NCKAP5: variants seen among roughly 807,000 people sequenced by gnomAD.
NCKAP5 encodes the protein NCK associated protein 5.
NCKAP5 carries 92 observed loss-of-function variants against 167.0 expected under a neutral mutation model. The ratio of observed to expected loss-of-function variants is 0.55; its 90% CI spans 0.47 to 0.66. NCKAP5 has a LOEUF of 0.66. Ranked by LOEUF, NCKAP5 falls within the 30% of genes least tolerant of loss-of-function variation. The pLI, the probability that NCKAP5 is intolerant of heterozygous loss-of-function variation, is 0.00. For missense variants in NCKAP5, 2,378 were observed against 2,315.0 expected, an observed-to-expected ratio of 1.03 and a Z score of -0.56; for synonymous variants, 891 against 877.4, an observed-to-expected ratio of 1.02 and a Z score of -0.27.
intron 19 of NCKAP5, among the ~76,000 whole-genome samples, chr2:132,693,593 AGAATACCCC>A (rs145616486): frequency 0.37 from 52,088 of 140,382 alleles, 10,384 homozygotes; most frequent in East Asian, 0.52. Context: ...GAAATGTGAA[AGAATACCCC>A]GAATACCCCA....
intron 8 of NCKAP5, among the ~76,000 whole-genome samples, chr2:132,909,576 C>G (rs1694280330): frequency 6.6e-6 from 1 of 152,168 alleles, no homozygotes; most frequent in African/African-American, 2.4e-5. Context: ...ATATCCAGTA[C>G]TTGGAATGTA....
chr2:132,919,510 T>G (rs777642819), intron 8 of NCKAP5, among the ~76,000 whole-genome samples: 1 of 151,974 alleles, frequency 6.6e-6, no homozygotes, highest in South Asian at 2.1e-4. Flanking sequence ...GCAAACTAGC[T>G]AAAAGAAATT....
chr2:133,663,872 G>T, the NCKAP5 span, among the ~76,000 whole-genome samples: 2 of 152,030 alleles, frequency 1.3e-5, no homozygotes, highest in Non-Finnish European at 2.9e-5. Flanking sequence ...AATCACAAAA[G>T]TTCTTATTGG....
At chr2:132,721,402 G>GC (rs1689915374) in intron 19 of NCKAP5, among the ~76,000 whole-genome samples, 1 of 152,104 alleles carries the variant, frequency 6.6e-6, no homozygotes, top group African/African-American at 2.4e-5. Context: ...ATCCAATAAG[G>GC]CTTCACGATC....
chr2:133,435,624 CA>C (rs1344937393), intron 3 of NCKAP5, among the ~76,000 whole-genome samples: 4 of 152,108 alleles, frequency 2.6e-5, no homozygotes, highest in African/African-American at 4.8e-5. Flanking sequence ...TGAACAAATA[CA>C]GCAAAGTTAG....
At chr2:132,680,955 GTTGACTGC>G (rs1685144297) in intron 19 of NCKAP5, among the ~76,000 whole-genome samples, 1 of 152,130 alleles carries the variant, frequency 6.6e-6, no homozygotes. Flanking sequence ...TAAAACGTAG[GTTGACTGC>G]CTTTAATAAT....
chr2:132,860,275 T>C (rs886112582), intron 11 of NCKAP5, among the ~76,000 whole-genome samples: 4 of 152,336 alleles, frequency 2.6e-5, no homozygotes, highest in Non-Finnish European at 5.9e-5. Context: ...TTTTGCCTGT[T>C]TATTATTTGT....
Position 133,381,870 on chromosome 2 carries a change from G to T in NCKAP5, c.70-78760C>A, listed in dbSNP as rs537500769. On this transcript the variant is annotated intron_variant, in intron 3 of 19. Coordinates refer to ENST00000409261, the MANE Select transcript of NCKAP5 (RefSeq NM_207363.3). ...CATGTAGTGGCGGACCATGCTCCTT[G>T]GTAAGAGGCTATAGCCAGCCACCAG... 2.2e-4 allele frequency among the ~76,000 whole-genome samples: 33 copies of T among 152,308 alleles called. 1 individual carries two copies. The Middle Eastern group carries it at 0.01, about 47-fold the overall frequency.
intron 3 of NCKAP5, among the ~76,000 whole-genome samples, chr2:133,317,342 C>T (rs976373499): frequency 2.6e-5 from 4 of 152,096 alleles, no homozygotes; most frequent in South Asian, 2.1e-4. Flanking sequence ...CTTGGGCAAT[C>T]GTCTGTGTGA....
chr2:132,925,632 T>C (rs892509840), intron 8 of NCKAP5, among the ~76,000 whole-genome samples: 7 of 150,994 alleles, frequency 4.6e-5, no homozygotes, highest in African/African-American at 1.5e-4. Flanking sequence ...GCTCAGGCAG[T>C]AATGCTCTCT....
intron 19 of NCKAP5, among the ~76,000 whole-genome samples, chr2:132,711,332 T>C (rs1688828886): frequency 6.6e-6 from 1 of 152,224 alleles, no homozygotes; most frequent in African/African-American, 2.4e-5. Context: ...TGAGCCTTTC[T>C]TGGGAAATTT....
At chr2:133,435,731 C>G (rs1223443844) in intron 3 of NCKAP5, among the ~76,000 whole-genome samples, 1 of 152,210 alleles carries the variant, frequency 6.6e-6, no homozygotes, top group Non-Finnish European at 1.5e-5. Context: ...GAGATATCCA[C>G]ATGTGGCTAG....
intron 2 of NCKAP5, among the ~76,000 whole-genome samples, chr2:133,519,988 C>A (rs555262191): frequency 1.3e-5 from 2 of 151,998 alleles, no homozygotes; most frequent in South Asian, 4.2e-4. Flanking sequence ...AAGATCGAGA[C>A]CATCCTGGCC....
At chr2:132,967,106 A>G (rs2076692368) in intron 7 of NCKAP5, among the ~76,000 whole-genome samples, 1 of 150,684 alleles carries the variant, frequency 6.6e-6, no homozygotes, top group Non-Finnish European at 1.5e-5. Context: ...CATTTTTGTG[A>G]GTAGAAAATT....
chr2:133,360,290 T>G (rs1327428060), intron 3 of NCKAP5, among the ~76,000 whole-genome samples: 2 of 152,204 alleles, frequency 1.3e-5, no homozygotes, highest in East Asian at 3.9e-4. Context: ...ATTTAGAAGT[T>G]AAGAAGTGAA....
intron 6 of NCKAP5, among the ~76,000 whole-genome samples, chr2:133,110,169 G>A (rs142564398): frequency 3.9e-5 from 6 of 152,154 alleles, no homozygotes; most frequent in East Asian, 3.9e-4. Flanking sequence ...TTCCTTTTGC[G>A]GGTTCCTGCA....
chr2:132,819,137 C>G (rs1686512786), intron 11 of NCKAP5, among the ~76,000 whole-genome samples: 1 of 152,136 alleles, frequency 6.6e-6, no homozygotes, highest in Non-Finnish European at 1.5e-5. Context: ...ATGAACCTCA[C>G]TGCTCCCCAA....
chr2:133,278,987 G>C (rs2089841925), intron 4 of NCKAP5, among the ~76,000 whole-genome samples: 2 of 152,188 alleles, frequency 1.3e-5, no homozygotes, highest in African/African-American at 4.8e-5. Flanking sequence ...ATCAGATTGG[G>C]AGACATTTAG....
At chr2:133,514,206 A>C (rs1432287) in intron 3 of NCKAP5, among the ~76,000 whole-genome samples, 88,506 of 151,964 alleles carry the variant, frequency 0.58, 27,340 homozygotes, top group East Asian at 0.92. Context: ...TGGGCCTTTA[A>C]CCCCCACAAT....
Sources: gnomAD v4.1 joint callset for allele counts (sites outside exome capture counted in the v4.1 genomes callset) on GRCh38, gnomAD v4.1.1 for gene constraint, MANE v1.5 for transcripts, NCBI Gene and HGNC (gene_info 2026-07-23, HGNC 2026-07-21) for gene names.